REEP1: variants seen among roughly 807,000 people sequenced by gnomAD.
REEP1 encodes receptor expression-enhancing protein 1.
A neutral mutation model predicts 40.3 loss-of-function variants in REEP1; 22 were observed. The observed-to-expected ratio is 0.55, with a 90% confidence interval of 0.39 to 0.78. The LOEUF (loss-of-function observed/expected upper bound fraction) is 0.78, where lower values mean the gene tolerates loss of function less well. Ranked by LOEUF, REEP1 falls within the 30% of genes least tolerant of loss-of-function variation. REEP1 has a pLI of 0.00. For synonymous variants in REEP1, 116 were observed against 139.2 expected (o/e 0.83, Z 1.17); for missense variants, 280 against 361.1 (o/e 0.78, Z 1.82).
At chr2:86,327,271 T>C (rs1019003137) in intron 1 of REEP1, among the ~76,000 whole-genome samples, 1 of 152,120 alleles carries the variant, frequency 6.6e-6, no homozygotes, top group Non-Finnish European at 1.5e-5. Context: ...TATTTGTTTT[T>C]TCATTTTAAA....
chr2:86,325,526 G>T (rs1026727194), intron 1 of REEP1, among the ~76,000 whole-genome samples: 1 of 152,086 alleles, frequency 6.6e-6, no homozygotes, highest in Admixed American at 6.5e-5. Flanking sequence ...TATTCAAGTG[G>T]GCCCTATTTG....
chr2:86,220,979 T>TCA (rs1267928303), intron 7 of REEP1, among the ~76,000 whole-genome samples: 1 of 152,168 alleles, frequency 6.6e-6, no homozygotes, highest in African/African-American at 2.4e-5. Context: ...TTATCTGGTA[T>TCA]CACACACACA....
intron 2 of REEP1, among the ~76,000 whole-genome samples, chr2:86,273,286 T>C (rs1008762367): frequency 6.6e-6 from 1 of 151,428 alleles, no homozygotes; most frequent in Non-Finnish European, 1.5e-5. Context: ...CCCTACCTTT[T>C]TTTTTTTTTT....
chr2:86,289,538 A>G (rs1678583887), intron 1 of REEP1, among the ~76,000 whole-genome samples: 1 of 152,108 alleles, frequency 6.6e-6, no homozygotes, highest in African/African-American at 2.4e-5. Context: ...TTGTTTTTCT[A>G]TATAAATTTC....
chr2:86,232,662 C>G lies in REEP1; in HGVS notation c.558G>C (p.Lys186Asn). The change falls in exon 6 of 9, where the codon AAG (lysine) becomes AAC (asparagine). Residue 186 changes from lysine (K) to asparagine (N), a missense_variant. Lys to Asn is a moderately conservative substitution (Grantham distance 94). Around this residue, in one of 3 missense-constraint regions of REEP1, gnomAD observed 201 missense variants for 238.5 expected, o/e 0.84. Transcript: ENST00000538924. ...CGCTCTCAGAAGCACTCCTGGACAT[C>G]TTAGGCTGGCCGTGTTTGCCGCTGG... ...GRASGKHGQP[K>N]MSRSASESAS... 1 of 1,612,968 alleles carries G rather than the reference C, an allele frequency of 6.2e-7. No homozygotes were observed. Among genetic ancestry groups the G allele is most frequent in the Middle Eastern group, 1.7e-4 (1 of 6,058 alleles).
At chr2:86,240,826 GC>G (rs1188859775) in intron 5 of REEP1, among the ~76,000 whole-genome samples, 4 of 152,200 alleles carry the variant, frequency 2.6e-5, no homozygotes, top group African/African-American at 9.7e-5. Flanking sequence ...TCACTTTGCA[GC>G]AGGCACGTGG....
intron 7 of REEP1, among the ~76,000 whole-genome samples, chr2:86,226,117 TCATCACCACCACCACCAC>T (rs1674681404): frequency 2.6e-5 from 1 of 37,982 alleles, no homozygotes; most frequent in African/African-American, 4.5e-5. Context: ...ACCACCACCA[TCATCACCACCACCACCAC>T]CACCATCATC....
At chr2:86,267,625 G>A (rs1271607843) in intron 2 of REEP1, among the ~76,000 whole-genome samples, 1 of 152,130 alleles carries the variant, frequency 6.6e-6, no homozygotes, top group Admixed American at 6.5e-5. Context: ...GTTCAAGGCT[G>A]CAGTAAGCTA....
chr2:86,215,484 T>C lies in REEP1; in HGVS notation c.*1555A>G, dbSNP rs1674056887. On this transcript the variant is annotated 3_prime_UTR_variant, in exon 9 of 9. Transcript: ENST00000538924. ...TATAGTTGACTGACAGTAAGTTCTA[T>C]ATGGTATATAACACTAATTCTCTAG... is the stretch of plus-strand genomic sequence containing the variant. 1 of 152,636 alleles carries C rather than the reference T, an allele frequency of 6.6e-6. No individual in the cohort carries two copies. Among genetic ancestry groups the C allele is most frequent in the Non-Finnish European group, 1.5e-5 (1 of 68,042 alleles). 9.5% of individuals were successfully genotyped at this position (152,636 alleles called of 1,614,324 possible).
intron 1 of REEP1, among the ~76,000 whole-genome samples, chr2:86,327,568 C>CTTT (rs34203842): frequency 7.3e-6 from 1 of 137,754 alleles, no homozygotes; most frequent in Non-Finnish European, 1.5e-5. Flanking sequence ...GTCTATCTTA[C>CTTT]TTTTTTTTTT....
At chr2:86,315,318 T>C (rs1211132723) in intron 1 of REEP1, among the ~76,000 whole-genome samples, 9 of 152,358 alleles carry the variant, frequency 5.9e-5, no homozygotes, top group African/African-American at 2.2e-4. Context: ...ATAGTGTTGC[T>C]GGCACTATGG....
intron 1 of REEP1, among the ~76,000 whole-genome samples, chr2:86,295,696 C>T (rs1031903005): frequency 1.3e-5 from 2 of 152,220 alleles, no homozygotes; most frequent in Admixed American, 6.5e-5. Flanking sequence ...CCCACCACCA[C>T]GCCCAGCTAA....
At chr2:86,296,481 G>C (rs1678989489) in intron 1 of REEP1, among the ~76,000 whole-genome samples, 1 of 152,194 alleles carries the variant, frequency 6.6e-6, no homozygotes, top group Non-Finnish European at 1.5e-5. Context: ...AAAATATTTT[G>C]ATCACATGTA....
intron 2 of REEP1, among the ~76,000 whole-genome samples, chr2:86,274,900 C>T (rs1309119391): frequency 1.3e-5 from 2 of 152,156 alleles, no homozygotes; most frequent in Non-Finnish European, 2.9e-5. Context: ...TGGAGACTTT[C>T]CATGAGCCAC....
intron 1 of REEP1, among the ~76,000 whole-genome samples, chr2:86,292,241 C>T (rs1678749023): frequency 6.6e-6 from 1 of 152,182 alleles, no homozygotes; most frequent in Admixed American, 6.5e-5. Flanking sequence ...AATGAGGAGA[C>T]TGTAGGTACA....
At chr2:86,326,293 T>C (rs565001099) in intron 1 of REEP1, among the ~76,000 whole-genome samples, 1 of 152,294 alleles carries the variant, frequency 6.6e-6, no homozygotes, top group African/African-American at 2.4e-5. Context: ...AATGAATAAA[T>C]TGACCAAGCT....
At chr2:86,312,505 A>G (rs192093328) in intron 1 of REEP1, among the ~76,000 whole-genome samples, 1 of 152,328 alleles carries the variant, frequency 6.6e-6, no homozygotes, top group Non-Finnish European at 1.5e-5. Flanking sequence ...CTGTAAAATC[A>G]GACAGATTTG....
At chr2:86,230,063 G>C (rs1037788731) in intron 6 of REEP1, among the ~76,000 whole-genome samples, 1 of 152,216 alleles carries the variant, frequency 6.6e-6, no homozygotes, top group African/African-American at 2.4e-5. Flanking sequence ...GCAGTGAGGA[G>C]GGCTGGGGCA....
At chr2:86,261,946 T>C (rs1207344337) in intron 3 of REEP1, among the ~76,000 whole-genome samples, 1 of 152,254 alleles carries the variant, frequency 6.6e-6, no homozygotes, top group African/African-American at 2.4e-5. Context: ...TTTATGTGTA[T>C]GCATATCTAA....
Sources: allele counts gnomAD v4.1 joint callset (sites outside exome capture counted in the v4.1 genomes callset), GRCh38; gene constraint gnomAD v4.1.1; regional missense constraint gnomAD v4.1.1; transcripts MANE v1.5; gene names NCBI Gene and HGNC (gene_info 2026-07-23, HGNC 2026-07-21).